GALC: variants seen among roughly 807,000 people sequenced by gnomAD.
GALC encodes galactosylceramidase, also known as galactocerebrosidase.
GALC carries 77 observed loss-of-function variants against 91.8 expected under a neutral mutation model. That is an observed-to-expected ratio of 0.84 (90% CI 0.70 to 1.01). The LOEUF (loss-of-function observed/expected upper bound fraction) is 1.01. Ranked by LOEUF, GALC falls within the 50% of genes least tolerant of loss-of-function variation. The pLI is 0.00. For synonymous variants in GALC, 357 were observed against 306.7 expected, an observed-to-expected ratio of 1.16 and a Z score of -1.71; for missense variants, 882 against 855.9, an observed-to-expected ratio of 1.03 and a Z score of -0.38.
In GALC at chr14:87,976,542, T is replaced by A. The variant is rs144644718; in HGVS notation, c.622-54A>T. ...AAGGATACAAATGAATTTTTAGCTGTTGAATTTATGACCAAGATAGATAAA... is the reference window on the plus strand; with the variant it reads ...AAGGATACAAATGAATTTTTAGCTGATGAATTTATGACCAAGATAGATAAA... On this transcript the variant is annotated intron_variant, in intron 6 of 16. Coordinates refer to ENST00000261304, the MANE Select transcript of GALC (RefSeq NM_000153.4). The A allele has an allele frequency of 2.8e-6, 4 of 1,430,988 alleles. No individual in the cohort carries two copies. In the South Asian group the frequency reaches 3.5e-5, roughly 12 times the overall value. 88.6% of individuals were successfully genotyped at this position (1,430,988 alleles called of 1,614,324 possible).
intron 8 of GALC, among the ~76,000 whole-genome samples, chr14:87,966,312 T>C (rs1196869495): frequency 2.6e-5 from 4 of 152,172 alleles, no homozygotes; most frequent in African/African-American, 7.2e-5. Context: ...TGGCCCATTC[T>C]TTCTCAGATG....
chr14:87,964,907 C>A (rs1367231722), intron 9 of GALC, among the ~76,000 whole-genome samples: 1 of 152,094 alleles, frequency 6.6e-6, no homozygotes. Flanking sequence ...ATCTTCAGTA[C>A]GTGCTCACTT....
At chr14:87,960,729 G>C (rs1022886969) in intron 10 of GALC, among the ~76,000 whole-genome samples, 27 of 152,060 alleles carry the variant, frequency 1.8e-4, no homozygotes, top group African/African-American at 6.5e-4. Context: ...AATGAAAAAG[G>C]AATAGTCTTT....
Position 87,933,280 on chromosome 14 carries a change from G to A in GALC, c.*1452C>T, listed in dbSNP as rs1884436940. 1 of 152,482 alleles carries A rather than the reference G, an allele frequency of 6.6e-6. No individual in the cohort carries two copies. The highest frequency in any genetic ancestry group is 2.4e-5 in the African/African-American group (1 of 41,426). The allele number at this position is 152,482 out of a possible 1,614,324, so 9.4% of individuals were successfully genotyped here. A position where few individuals can be genotyped will look rare whatever the true frequency, so the allele number is the denominator to read the frequency against. ...TTCCTATCAATGGCTGCCAACAATT[G>A]GGAGTGAAAGGAACTGACTGAGCAG... is the stretch of plus-strand genomic sequence containing the variant. On this transcript the variant is annotated 3_prime_UTR_variant, in exon 17 of 17. Transcript: ENST00000261304.
chr14:87,958,219 T>C (rs777471899), intron 10 of GALC, among the ~76,000 whole-genome samples: 6 of 152,142 alleles, frequency 3.9e-5, no homozygotes, highest in Non-Finnish European at 7.4e-5. Flanking sequence ...TGTTGTGACA[T>C]GTGTGCTAAT....
intron 7 of GALC, among the ~76,000 whole-genome samples, chr14:87,974,335 C>A (rs1886409673): frequency 6.6e-6 from 1 of 152,068 alleles, no homozygotes; most frequent in Non-Finnish European, 1.5e-5. Flanking sequence ...GGCCAAGAAG[C>A]TTTAAACGAG....
intron 4 of GALC, among the ~76,000 whole-genome samples, chr14:87,985,349 T>A (rs1184450926): frequency 6.6e-6 from 1 of 152,212 alleles, no homozygotes. Flanking sequence ...AACACCCAAG[T>A]GTATTACATA....
rs201606712 is a variant in GALC at position 87,968,512 on chromosome 14, G to A, written c.753-22C>T. The A allele has an allele frequency of 4.3e-6, 7 of 1,613,038 alleles. No individual in the cohort carries two copies. In the African/African-American group the frequency reaches 6.7e-5, roughly 15 times the overall value. On this transcript the variant is annotated intron_variant, in intron 7 of 16. Transcript: ENST00000261304. Reference sequence around the variant, plus strand: ...AGCCCTAGAAAAAAAAAGGGTGGAAGTCAATGAAAAAAGGTCACGACGTGG... The same window carrying A: ...AGCCCTAGAAAAAAAAAGGGTGGAAATCAATGAAAAAAGGTCACGACGTGG...
At chr14:87,967,918 C>A (rs922094768) in intron 8 of GALC, among the ~76,000 whole-genome samples, 3 of 152,122 alleles carry the variant, frequency 2.0e-5, no homozygotes. Flanking sequence ...TGAATATAGA[C>A]TGAGAATTAA....
chr14:87,969,730 T>C (rs987556848), intron 7 of GALC, among the ~76,000 whole-genome samples: 1 of 152,232 alleles, frequency 6.6e-6, no homozygotes, highest in African/African-American at 2.4e-5. Flanking sequence ...TTTTTAGTTA[T>C]TTAATTCCCT....
At chr14:87,952,832 G>A (rs1302306424) in intron 10 of GALC, 1 of 1,327,626 alleles carries the variant, frequency 7.5e-7, no homozygotes, top group African/African-American at 1.4e-5. Context: ...GACTGAGTGA[G>A]GTAACGAGCT....
Position 87,933,738 on chromosome 14 carries a change from G to T in GALC, c.*994C>A, listed in dbSNP as rs1884455084. 2.2e-6 allele frequency: 1 copy of T among 463,802 alleles called. No homozygotes were observed. 28.7% of individuals were successfully genotyped at this position (463,802 alleles called of 1,614,324 possible). On this transcript the variant is annotated 3_prime_UTR_variant, in exon 17 of 17. Coordinates refer to ENST00000261304, the MANE Select transcript of GALC (RefSeq NM_000153.4). ...CTTAGTATAAATCATACAACATGAT[G>T]AACACGCTCACGTATATTTAAATAT...
chr14:87,984,522 A>C lies in GALC; in HGVS notation c.454T>G (p.Ser152Ala). 1 of 1,614,144 alleles carries C rather than the reference A, an allele frequency of 6.2e-7. No individual in the cohort carries two copies. Among genetic ancestry groups the C allele is most frequent in the Non-Finnish European group, 8.5e-7 (1 of 1,180,014 alleles). The change falls in exon 5 of 17, where the codon TCA (serine) becomes GCA (alanine). Residue 152 changes from serine to alanine, a missense_variant. Transcript: ENST00000261304. Reference protein sequence around the residue: ...PNITLIGLPWSFPGWLGKGFD... With the variant: ...PNITLIGLPWAFPGWLGKGFD... ...CCTTTTCCCAGCCATCCAGGGAATG[A>C]CCATGGCAACCCTGCAGAGAGAAGG...
At chr14:87,950,875 T>C in intron 10 of GALC, 127 bp from the exon 11 acceptor site, 1 of 632,084 alleles carries the variant, frequency 1.6e-6, no homozygotes, top group Non-Finnish European at 2.9e-6. Flanking sequence ...TATGAGTTTA[T>C]TTCACATTTT....
At chr14:87,966,229 C>T (rs1458135040) in intron 8 of GALC, among the ~76,000 whole-genome samples, 2 of 152,020 alleles carry the variant, frequency 1.3e-5, no homozygotes, top group Non-Finnish European at 2.9e-5. Context: ...AGGTCTGGGC[C>T]GTAGTATTGC....
At chr14:87,963,983 C>T (rs922310684) in intron 9 of GALC, among the ~76,000 whole-genome samples, 8 of 152,114 alleles carry the variant, frequency 5.3e-5, no homozygotes, top group Non-Finnish European at 1.2e-4. Context: ...ATACCATGTC[C>T]CAACCCTTGG....
intron 7 of GALC, among the ~76,000 whole-genome samples, chr14:87,975,655 C>T (rs968752341): frequency 6.6e-6 from 1 of 151,896 alleles, no homozygotes; most frequent in African/African-American, 2.4e-5. Flanking sequence ...ATTATTCTGC[C>T]TATTTTTGTG....
chr14:87,989,899 C>T (rs1406425514), intron 1 of GALC, among the ~76,000 whole-genome samples: 3 of 152,194 alleles, frequency 2.0e-5, no homozygotes, highest in Non-Finnish European at 2.9e-5. Flanking sequence ...TGGCTCCTAA[C>T]CCTGATACTT....
intron 3 of GALC, chr14:87,986,916 T>C: frequency 4.6e-6 from 2 of 431,100 alleles, no homozygotes; most frequent in South Asian, 3.7e-5. Flanking sequence ...TTCTGGGCTT[T>C]TGATCTCTCT....
Sources: allele counts gnomAD v4.1 joint callset (sites outside exome capture counted in the v4.1 genomes callset), GRCh38; gene constraint gnomAD v4.1.1; transcripts MANE v1.5; gene names NCBI Gene and HGNC (gene_info 2026-07-23, HGNC 2026-07-21).